C2orf80: variants seen among roughly 807,000 people sequenced by gnomAD.
C2orf80 encodes uncharacterized protein C2orf80.
A neutral mutation model predicts 30.2 loss-of-function variants in C2orf80; 28 were observed. The observed-to-expected ratio is 0.93, with a 90% CI of 0.69 to 1.27. The LOEUF is 1.27. C2orf80 is among the 50% of genes most tolerant of loss of function. C2orf80 has a pLI of 0.00. For missense variants in C2orf80, 220 were observed against 231.0 expected, an observed-to-expected ratio of 0.95 and a Z score of 0.31; for synonymous variants, 80 against 76.4, an observed-to-expected ratio of 1.05 and a Z score of -0.24.
At chr2:208,177,410 G>A (rs945811827) in intron 6 of C2orf80, among the ~76,000 whole-genome samples, 2 of 151,942 alleles carry the variant, frequency 1.3e-5, no homozygotes, top group Non-Finnish European at 2.9e-5. Context: ...GCGTGGTAAC[G>A]CATGCCTGTA....
chr2:208,177,125 A>ATATATATACATACATATATAT (rs370763164), intron 6 of C2orf80, among the ~76,000 whole-genome samples: 28,050 of 143,512 alleles, frequency 0.2, 4,174 homozygotes, highest in East Asian at 0.58. Flanking sequence ...GCTCGATTTT[A>ATATATATACATACATATATAT]TATATATACA....
intron 6 of C2orf80, among the ~76,000 whole-genome samples, chr2:208,178,103 C>T (rs919611611): frequency 6.6e-6 from 1 of 152,126 alleles, no homozygotes; most frequent in Non-Finnish European, 1.5e-5. Context: ...CAGGCATGAG[C>T]TACCGCGCCC....
At chr2:208,167,252 G>A (rs12992988) in intron 8 of C2orf80, among the ~76,000 whole-genome samples, 96,095 of 151,730 alleles carry the variant, frequency 0.63, 30,962 homozygotes, top group Non-Finnish European at 0.69. Flanking sequence ...AGCCGGGCGC[G>A]GTGGCTCATG....
intron 8 of C2orf80, among the ~76,000 whole-genome samples, chr2:208,169,269 T>TTATGTGTGTGTGTGTG (rs1553595423): frequency 7.2e-6 from 1 of 137,968 alleles, no homozygotes; most frequent in Admixed American, 7.4e-5. Context: ...AAAGTCTAGA[T>TTATGTGTGTGTGTGTG]TGTGTGTGTG....
chr2:208,186,088 C>G (rs1476354531), intron 2 of C2orf80, among the ~76,000 whole-genome samples: 1 of 151,378 alleles, frequency 6.6e-6, no homozygotes, highest in East Asian at 1.9e-4. Flanking sequence ...ATAATCTCTG[C>G]TTAAAAGCAA....
At chr2:208,188,803 G>A (rs888012840) in intron 1 of C2orf80, among the ~76,000 whole-genome samples, 8 of 152,160 alleles carry the variant, frequency 5.3e-5, no homozygotes, top group African/African-American at 1.9e-4. Context: ...GGGAGTGGAC[G>A]GGATGTGGAT....
intron 6 of C2orf80, among the ~76,000 whole-genome samples, chr2:208,178,347 C>T (rs1335929319): frequency 6.6e-6 from 1 of 152,050 alleles, no homozygotes; most frequent in East Asian, 1.9e-4. Flanking sequence ...AGGGAGAAAA[C>T]AGTGACTGAA....
rs560576869 is a variant in C2orf80, at chr2:208,177,651, A to G, written c.366+3094T>C. On this transcript the variant is annotated intron_variant, in intron 6 of 8. Coordinates refer to ENST00000341287, the MANE Select transcript of C2orf80 (RefSeq NM_001099334.3). The stretch of plus-strand genomic sequence containing the variant: ...TATCTCTTTCTGTTTAGAGCTGGTT[A>G]TTGTCACTGATTGTGAGAATGGGGA... Among the ~76,000 whole-genome samples the G allele has an allele frequency of 1.2e-3, 180 of 152,216 alleles. No homozygotes were observed. The South Asian group carries it at 0.018, about 15-fold the overall frequency.
At chr2:208,172,854 T>C (rs1159864781) in intron 6 of C2orf80, among the ~76,000 whole-genome samples, 1 of 152,176 alleles carries the variant, frequency 6.6e-6, no homozygotes, top group Non-Finnish European at 1.5e-5. Context: ...CAGTGGGTCA[T>C]GCCTGCAATC....
intron 1 of C2orf80, among the ~76,000 whole-genome samples, chr2:208,187,859 C>T (rs980052267): frequency 6.6e-6 from 1 of 151,584 alleles, no homozygotes; most frequent in Non-Finnish European, 1.5e-5. Flanking sequence ...CTGAGTGAGC[C>T]TTTTCCAATC....
chr2:208,165,871 A>G, intron 8 of C2orf80, 56 bp from the exon 9 acceptor site: 2 of 1,225,702 alleles, frequency 1.6e-6, no homozygotes, highest in Non-Finnish European at 2.4e-6. Flanking sequence ...ATGGACACAG[A>G]CATTACTTTA....
At chr2:208,166,646 C>T (rs1334307478) in intron 8 of C2orf80, among the ~76,000 whole-genome samples, 2 of 152,078 alleles carry the variant, frequency 1.3e-5, no homozygotes. Flanking sequence ...TTGCTTGCCA[C>T]TGTCCTGACA....
intron 8 of C2orf80, among the ~76,000 whole-genome samples, chr2:208,169,735 G>C (rs1011920569): frequency 4.0e-5 from 6 of 148,754 alleles, no homozygotes; most frequent in African/African-American, 1.5e-4. Flanking sequence ...AAAAGGAAAA[G>C]AAAAAAAGAA....
At chr2:208,165,877 CT>C in intron 8 of C2orf80, 62 bp from the exon 9 acceptor site, 2 of 1,158,210 alleles carry the variant, frequency 1.7e-6, no homozygotes. Context: ...ACAGACATTA[CT>C]TTAAGTCTAT....
At chr2:208,167,875 T>C (rs919871782) in intron 8 of C2orf80, among the ~76,000 whole-genome samples, 10 of 48,290 alleles carry the variant, frequency 2.1e-4, no homozygotes, top group Non-Finnish European at 2.8e-4. Flanking sequence ...CGTGCCTGGC[T>C]GTGATTTTTT....
chr2:208,188,728 C>T (rs368156827), intron 1 of C2orf80, among the ~76,000 whole-genome samples: 105 of 152,342 alleles, frequency 6.9e-4, no homozygotes, highest in Non-Finnish European at 1.2e-3. Context: ...GGATTACAGG[C>T]GTGAGCCACC....
rs756740326 is a variant in C2orf80 at position 208,182,957 on chromosome 2, C to A, written c.206+8G>T. 6.2e-7 allele frequency: 1 copy of A among 1,609,712 alleles called. No individual in the cohort carries two copies. The highest frequency in any genetic ancestry group is 1.1e-5 in the South Asian group (1 of 90,982). On this transcript the variant is annotated splice_region_variant and intron_variant, in intron 4 of 8. Coordinates refer to ENST00000341287, the MANE Select transcript of C2orf80 (RefSeq NM_001099334.3). ...AAAGAGGAAAGCAACAAACCTACTTCAACTTACAGTTCCTCCCACTCCAGC... is the reference window on the plus strand; with the variant it reads ...AAAGAGGAAAGCAACAAACCTACTTAAACTTACAGTTCCTCCCACTCCAGC...
At chr2:208,177,341 A>G (rs1160973296) in intron 6 of C2orf80, among the ~76,000 whole-genome samples, 1 of 151,968 alleles carries the variant, frequency 6.6e-6, no homozygotes, top group Non-Finnish European at 1.5e-5. Context: ...CAGGAGTTCG[A>G]GAACAGCCTG....
chr2:208,176,917 ATCTGTATACATATGTATACATATC>A lies in C2orf80; in HGVS notation c.366+3804_366+3827del, dbSNP rs1180823076. Among the ~76,000 whole-genome samples the A allele has an allele frequency of 1.1e-4, 13 of 122,408 alleles. 2 individuals carry two copies. The highest frequency in any genetic ancestry group is 1.5e-4 in the African/African-American group (5 of 33,284). The allele number at this position is 122,408 out of a possible 152,430, so 80.3% of individuals were successfully genotyped here. A position where few individuals can be genotyped will look rare whatever the true frequency, so the allele number is the denominator to read the frequency against. On this transcript the variant is annotated intron_variant, in intron 6 of 8. Transcript: ENST00000341287. ...TATATATACATATCTGTGTATACAT[ATCTGTATACATATGTATACATATC>A]TGTATACATATCTGTATACATATGT...
Sources: gnomAD v4.1 joint callset for allele counts (sites outside exome capture counted in the v4.1 genomes callset) on GRCh38, gnomAD v4.1.1 for gene constraint, MANE v1.5 for transcripts, NCBI Gene and HGNC (gene_info 2026-07-23, HGNC 2026-07-21) for gene names.